Variants in CSF1R observed in about 807,000 individuals in gnomAD.
CSF1R encodes colony stimulating factor 1 receptor, also known as macrophage colony-stimulating factor 1 receptor.
CSF1R carries 40 observed loss-of-function variants against 110.0 expected under a neutral mutation model. The ratio of observed to expected loss-of-function variants is 0.36; its 90% CI spans 0.28 to 0.47. The LOEUF is 0.47. CSF1R is among the 20% of genes least tolerant of loss of function. The pLI is 0.99. For synonymous variants in CSF1R, 523 were observed against 503.4 expected, an observed-to-expected ratio of 1.04 and a Z score of -0.52; for missense variants, 1,052 against 1,253.0, an observed-to-expected ratio of 0.84 and a Z score of 2.42.
At chr5:150,108,849 G>A (rs1430835760) in intron 1 of CSF1R, among the ~76,000 whole-genome samples, 4 of 152,164 alleles carry the variant, frequency 2.6e-5, no homozygotes, top group Non-Finnish European at 5.9e-5. Context: ...GGGCAGACCT[G>A]TATGCCAAGA....
chr5:150,084,378 A>G (rs1373443637), intron 1 of CSF1R, among the ~76,000 whole-genome samples: 3 of 48,628 alleles, frequency 6.2e-5, no homozygotes, highest in Non-Finnish European at 1.2e-4. Flanking sequence ...AAAGAAAGAA[A>G]GAAAGAAAGA....
intron 5 of CSF1R, 128 bp downstream of exon 5, chr5:150,077,148 A>G: frequency 2.4e-6 from 3 of 1,265,030 alleles, no homozygotes; most frequent in Non-Finnish European, 3.4e-6. Context: ...CAGGCCTTGG[A>G]TAAACAAACT....
chr5:150,105,934 G>A (rs142215816), intron 1 of CSF1R, among the ~76,000 whole-genome samples: 5 of 152,288 alleles, frequency 3.3e-5, no homozygotes, highest in African/African-American at 1.2e-4. Flanking sequence ...TATTAATTAC[G>A]CCATTTTGCC....
chr5:150,108,006 A>G (rs1008883656), intron 1 of CSF1R, among the ~76,000 whole-genome samples: 1 of 152,182 alleles, frequency 6.6e-6, no homozygotes, highest in African/African-American at 2.4e-5. Context: ...TCCTGGGATC[A>G]CCGGAGAGAA....
rs1298303883 is a variant in CSF1R at position 150,054,043 on chromosome 5, G to C, written c.*26C>G. 5.0e-6 allele frequency: 8 copies of C among 1,610,944 alleles called. No individual in the cohort carries two copies. In the South Asian group the frequency reaches 8.8e-5, roughly 18 times the overall value. On this transcript the variant is annotated 3_prime_UTR_variant, in exon 21 of 21. Coordinates refer to ENST00000675795, the MANE Select transcript of CSF1R (RefSeq NM_001288705.3). ...AGGAGTTGAAGTTTGTGGGAGGGGA[G>C]AGTGGTACTCCCTGTCGTCAACTCC...
intron 1 of CSF1R, among the ~76,000 whole-genome samples, chr5:150,105,261 T>A (rs1161949396): frequency 7.1e-6 from 1 of 140,500 alleles, no homozygotes; most frequent in East Asian, 2.3e-4. Flanking sequence ...GGCAGGAGAA[T>A]CACTTGAACC....
chr5:150,055,222 G>A lies in CSF1R; in HGVS notation c.2654+15C>T, dbSNP rs773609203. On this transcript the variant is annotated intron_variant, in intron 19 of 20. Coordinates refer to ENST00000675795, the MANE Select transcript of CSF1R (RefSeq NM_001288705.3). ...CTGGGGTGTCCTTTTCCCTCCCTGG[G>A]ATCCCTTCGCTTACATATTCTTTGG... is the stretch of plus-strand genomic sequence containing the variant. 66 of 1,609,646 alleles carry A rather than the reference G, an allele frequency of 4.1e-5. No individual in the cohort carries two copies. Among genetic ancestry groups the A allele is most frequent in the Non-Finnish European group, 6.8e-6 (8 of 1,176,076 alleles).
At chr5:150,061,384 G>A in intron 12 of CSF1R, 107 bp downstream of exon 12, 1 of 985,792 alleles carries the variant, frequency 1.0e-6, no homozygotes, top group South Asian at 1.6e-5. Context: ...TGTCCCCCAG[G>A]CTTCAACAGG....
intron 1 of CSF1R, among the ~76,000 whole-genome samples, chr5:150,099,250 C>T (rs1759326034): frequency 1.3e-5 from 2 of 151,944 alleles, no homozygotes. Flanking sequence ...TATTGGTAGT[C>T]AGGATGCAAA....
At chr5:150,098,806 A>G (rs1759303485) in intron 1 of CSF1R, among the ~76,000 whole-genome samples, 1 of 152,002 alleles carries the variant, frequency 6.6e-6, no homozygotes, top group East Asian at 1.9e-4. Flanking sequence ...ATGAAATACC[A>G]CTACATACTT....
At chr5:150,074,305 G>GTT (rs35475636) in intron 5 of CSF1R, among the ~76,000 whole-genome samples, 1,522 of 126,802 alleles carry the variant, frequency 0.012, 52 homozygotes, top group African/African-American at 0.038. Flanking sequence ...GTCCTGACTA[G>GTT]TTTTTTTTTT....
At chr5:150,083,929 C>T (rs1758681335) in intron 1 of CSF1R, among the ~76,000 whole-genome samples, 1 of 152,196 alleles carries the variant, frequency 6.6e-6, no homozygotes. Flanking sequence ...CCACTTTCCC[C>T]TTTAAATATT....
intron 1 of CSF1R, among the ~76,000 whole-genome samples, chr5:150,081,648 T>C (rs1474246131): frequency 6.6e-6 from 1 of 152,102 alleles, no homozygotes; most frequent in East Asian, 1.9e-4. Flanking sequence ...CATTGGTATG[T>C]TAGGCATTTT....
intron 5 of CSF1R, 111 bp from the exon 6 acceptor site, chr5:150,073,604 T>TACATAGTCC: frequency 9.3e-7 from 1 of 1,076,610 alleles, no homozygotes; most frequent in Non-Finnish European, 1.3e-6. Context: ...ATGTCACAGG[T>TACATAGTCC]ACATAGTCCC....
chr5:150,066,614 C>T (rs1757788366), intron 10 of CSF1R, among the ~76,000 whole-genome samples: 1 of 152,244 alleles, frequency 6.6e-6, no homozygotes, highest in Non-Finnish European at 1.5e-5. Flanking sequence ...GCCCTCAGAG[C>T]AGCCTTCTCA....
At position 150,060,902 on chromosome 5, in the gene CSF1R, G is replaced by A. The variant is rs184499252; in HGVS notation, c.1929C>T (p.His643=). The change falls in exon 13 of 21, where the codon CAC becomes CAT. Residue 643 remains histidine, a synonymous_variant. Transcript: ENST00000675795. The part of the protein sequence containing the change: ...ELKIMSHLGQ[H]ENIVNLLGAC... ...CTCCCAGAAGGTTGACGATGTTCTC[G>A]TGCTGGCCCAGGTGGCTCATGATCT... is the stretch of plus-strand genomic sequence containing the variant. 167 of 1,611,460 alleles carry A rather than the reference G, an allele frequency of 1.0e-4. No individual in the cohort carries two copies. The East Asian group carries it at 3.1e-3, about 30-fold the overall frequency.
chr5:150,065,601 C>A (rs1209597995), intron 10 of CSF1R, among the ~76,000 whole-genome samples: 23 of 152,202 alleles, frequency 1.5e-4, no homozygotes. Flanking sequence ...AGGCTCCGAA[C>A]CTCATGGGGC....
Position 150,061,602 on chromosome 5 carries a change from C to T in CSF1R, c.1754-7G>A, listed in dbSNP as rs755134660. 43 of 1,613,982 alleles carry T rather than the reference C, an allele frequency of 2.7e-5. No homozygotes were observed. The highest frequency in any genetic ancestry group is 9.9e-5 in the South Asian group (9 of 91,084). ...CCAGCTCCGAGGGTCTTACCTGCCA[C>T]GCACACAGGTCCCTTAAGTCCCTGG... On this transcript the variant is annotated splice_polypyrimidine_tract_variant and splice_region_variant and intron_variant, in intron 11 of 20. Transcript: ENST00000675795.
At chr5:150,071,252 C>G (rs1172463100) in intron 6 of CSF1R, among the ~76,000 whole-genome samples, 1 of 152,190 alleles carries the variant, frequency 6.6e-6, no homozygotes, top group Non-Finnish European at 1.5e-5. Flanking sequence ...CAATAAAAAT[C>G]ATCTTTGGCT....
Sources: allele counts gnomAD v4.1 joint callset (sites outside exome capture counted in the v4.1 genomes callset), GRCh38; gene constraint gnomAD v4.1.1; transcripts MANE v1.5; gene names NCBI Gene and HGNC (gene_info 2026-07-23, HGNC 2026-07-21).